The following ZNF438 variants were observed in gnomAD, a reference collection of about 807,000 sequenced individuals.
ZNF438 encodes zinc finger protein 438.
A neutral mutation model predicts 38.0 loss-of-function variants in ZNF438; 25 were observed. That is an observed-to-expected ratio of 0.66 (90% CI 0.48 to 0.92). The LOEUF (loss-of-function observed/expected upper bound fraction) is 0.92, where lower values mean the gene tolerates loss of function less well. ZNF438 is among the 40% of genes least tolerant of loss of function. The probability of loss-of-function intolerance (pLI) is 0.00; values close to 1 mark genes in which losing one functional copy is unlikely to be tolerated. For synonymous variants in ZNF438, 372 were observed against 364.1 expected (o/e 1.02, Z -0.25); for missense variants, 1,007 against 999.6 (o/e 1.01, Z -0.10).
At chr10:30,918,191 G>A (rs984686375) in intron 2 of ZNF438, among the ~76,000 whole-genome samples, 2 of 152,070 alleles carry the variant, frequency 1.3e-5, no homozygotes, top group Non-Finnish European at 2.9e-5. Context: ...GATTACTGCA[G>A]CTTTATAGTT....
At chr10:30,868,156 G>A (rs60441381) in intron 4 of ZNF438, among the ~76,000 whole-genome samples, 31,997 of 150,996 alleles carry the variant, frequency 0.21, 3,731 homozygotes, top group African/African-American at 0.32. Context: ...TGCAACTTCC[G>A]TCTCCCCAGT....
chr10:30,951,762 A>C (rs1381166357), intron 1 of ZNF438, among the ~76,000 whole-genome samples: 1 of 149,780 alleles, frequency 6.7e-6, no homozygotes. Flanking sequence ...ATACAAACAA[A>C]TGGAAGAACA....
At chr10:31,010,584 G>C (rs918018378) in intron 1 of ZNF438, among the ~76,000 whole-genome samples, 1 of 152,008 alleles carries the variant, frequency 6.6e-6, no homozygotes, top group African/African-American at 2.4e-5. Flanking sequence ...TGTTTAATTA[G>C]GGTCATTAAA....
intron 2 of ZNF438, among the ~76,000 whole-genome samples, chr10:30,931,712 C>A (rs2045719592): frequency 1.3e-5 from 2 of 152,214 alleles, no homozygotes. Context: ...GAACAGTTTT[C>A]TTCCAGGTAC....
At chr10:30,898,192 A>G (rs1338674595) in intron 3 of ZNF438, among the ~76,000 whole-genome samples, 2 of 152,172 alleles carry the variant, frequency 1.3e-5, no homozygotes, top group Non-Finnish European at 2.9e-5. Context: ...AAGAAAAATG[A>G]CTTTCTATGT....
intron 1 of ZNF438, among the ~76,000 whole-genome samples, chr10:30,947,593 C>T (rs1428323930): frequency 6.6e-6 from 1 of 152,274 alleles, no homozygotes; most frequent in African/African-American, 2.4e-5. Flanking sequence ...CCTAATCAAG[C>T]CTGGGCAATG....
chr10:30,954,770 CATT>C (rs1393986525), intron 1 of ZNF438, among the ~76,000 whole-genome samples: 1 of 152,266 alleles, frequency 6.6e-6, no homozygotes, highest in South Asian at 2.1e-4. Context: ...TTTTAAAAAA[CATT>C]ATATCAGCTT....
chr10:30,899,762 A>G (rs1215500669), intron 3 of ZNF438, among the ~76,000 whole-genome samples: 1 of 152,060 alleles, frequency 6.6e-6, no homozygotes, highest in Non-Finnish European at 1.5e-5. Flanking sequence ...GCATGTATAT[A>G]CTTACACAAT....
At chr10:30,990,147 T>C (rs2132492913) in intron 1 of ZNF438, among the ~76,000 whole-genome samples, 1 of 152,288 alleles carries the variant, frequency 6.6e-6, no homozygotes, top group Admixed American at 6.5e-5. Flanking sequence ...CTTTAAGAGA[T>C]GATAGAGAAC....
chr10:30,976,922 G>A (rs897255649), intron 1 of ZNF438, among the ~76,000 whole-genome samples: 1 of 151,950 alleles, frequency 6.6e-6, no homozygotes, highest in Non-Finnish European at 1.5e-5. Context: ...TGAGAGATCA[G>A]ACAAAAAAAT....
chr10:30,850,356 T>C (rs550883518), exon 5 of ZNF438: 1 of 1,611,354 alleles, frequency 6.2e-7, no homozygotes, highest in African/African-American at 1.3e-5. Flanking sequence ...CCAGAAGGGA[T>C]GTTTGATTCA....
At chr10:31,010,875 G>A (rs1240975335) in intron 1 of ZNF438, among the ~76,000 whole-genome samples, 1 of 120,774 alleles carries the variant, frequency 8.3e-6, no homozygotes, top group Non-Finnish European at 1.6e-5. Context: ...CCTGGATAAC[G>A]AAGTGAGACC....
At chr10:30,970,444 T>C (rs1307004095) in intron 1 of ZNF438, among the ~76,000 whole-genome samples, 1 of 152,146 alleles carries the variant, frequency 6.6e-6, no homozygotes, top group Non-Finnish European at 1.5e-5. Flanking sequence ...ATGAAGTGAA[T>C]ATTATTATTT....
intron 4 of ZNF438, among the ~76,000 whole-genome samples, chr10:30,855,973 C>A (rs953347513): frequency 2.0e-5 from 3 of 152,190 alleles, no homozygotes; most frequent in African/African-American, 7.2e-5. Flanking sequence ...GCCTGGCACA[C>A]AGGAGGTGCT....
intron 5 of ZNF438, among the ~76,000 whole-genome samples, chr10:30,847,420 C>T (rs558901400): frequency 2.0e-5 from 3 of 152,224 alleles, no homozygotes; most frequent in Admixed American, 2.0e-4. Flanking sequence ...GAGGAACTGC[C>T]CCCTGCAGTT....
chr10:30,996,275 A>C lies in ZNF438; in HGVS notation c.-192+35558T>G, dbSNP rs1341512294. Among the ~76,000 whole-genome samples the C allele has an allele frequency of 5.9e-5, 9 of 152,140 alleles. 1 individual carries two copies. The highest frequency in any genetic ancestry group is 5.9e-4 in the Admixed American group (9 of 15,278). On this transcript the variant is annotated intron_variant, in intron 1 of 5. Transcript: ENST00000413025. ...CAGTAATCACATTAAATGTGAACAG[A>C]TGAAGCAATCTAATCAAAAGAAAGA...
intron 1 of ZNF438, among the ~76,000 whole-genome samples, chr10:30,988,210 T>C (rs560529169): frequency 6.6e-6 from 1 of 152,222 alleles, no homozygotes; most frequent in South Asian, 2.1e-4. Context: ...TTTAATAGAA[T>C]TTGCTTTGAA....
At chr10:30,948,613 C>T (rs1437299798) in intron 1 of ZNF438, among the ~76,000 whole-genome samples, 1 of 149,740 alleles carries the variant, frequency 6.7e-6, no homozygotes, top group Non-Finnish European at 1.5e-5. Context: ...GCAGAAGCCT[C>T]AGGAGCCGAT....
chr10:30,953,237 C>T (rs1264429987), intron 1 of ZNF438, among the ~76,000 whole-genome samples: 1 of 149,972 alleles, frequency 6.7e-6, no homozygotes. Context: ...GAATATCACA[C>T]TCTGGGGACT....
Sources: allele counts gnomAD v4.1 joint callset (sites outside exome capture counted in the v4.1 genomes callset), GRCh38; gene constraint gnomAD v4.1.1; transcripts MANE v1.5; gene names NCBI Gene and HGNC (gene_info 2026-07-23, HGNC 2026-07-21).